The following JAKMIP1 variants were observed in gnomAD, a reference collection of about 807,000 sequenced individuals.
The protein encoded by JAKMIP1 is janus kinase and microtubule-interacting protein 1.
A neutral mutation model predicts 113.0 loss-of-function variants in JAKMIP1; 33 were observed. The observed-to-expected ratio is 0.29, with a 90% CI of 0.22 to 0.39. The LOEUF (loss-of-function observed/expected upper bound fraction) is 0.39. Ranked by LOEUF, JAKMIP1 falls within the 10% of genes least tolerant of loss-of-function variation. The pLI, the probability that JAKMIP1 is intolerant of heterozygous loss-of-function variation, is 1.00. For synonymous variants in JAKMIP1, 480 were observed against 459.9 expected, an observed-to-expected ratio of 1.04 and a Z score of -0.56; for missense variants, 813 against 1,080.5, an observed-to-expected ratio of 0.75 and a Z score of 3.47.
At position 6,069,850 on chromosome 4, in the gene JAKMIP1, A is replaced by G. The variant is rs1004944416; in HGVS notation, c.1303-4842T>C. ...TGCATATACAGAGGTGCTCTTCCTC[A>G]GCGGGTCAGATGAAGCAGAGGGAAA... On this transcript the variant is annotated intron_variant, in intron 8 of 20. Coordinates refer to ENST00000409021, the MANE Select transcript of JAKMIP1 (RefSeq NM_001099433.2). This position sits in a 1 kb window ranked among gnomAD's most constrained non-coding sequence, Gnocchi z 4.5. Among the ~76,000 whole-genome samples, 5 of 152,130 alleles carry G rather than the reference A, an allele frequency of 3.3e-5. No homozygotes were observed. The highest frequency in any genetic ancestry group is 5.9e-5 in the Non-Finnish European group (4 of 68,036).
chr4:6,182,042 T>C lies in JAKMIP1; in HGVS notation c.-148+18211A>G, dbSNP rs763467754. Among the ~76,000 whole-genome samples the C allele has an allele frequency of 1.3e-3, 197 of 152,086 alleles. 1 individual carries two copies. The highest frequency in any genetic ancestry group is 2.3e-3 in the Non-Finnish European group (156 of 67,966). ...GAGTGAATGTTTATGTCCCCCCAAA[T>C]TGATACATTGAAACCCTATGGTGGG... On this transcript the variant is annotated intron_variant, in intron 1 of 20. Coordinates refer to ENST00000409021, the MANE Select transcript of JAKMIP1 (RefSeq NM_001099433.2).
intron 1 of JAKMIP1, among the ~76,000 whole-genome samples, chr4:6,144,021 G>C (rs1720512166): frequency 6.6e-6 from 1 of 152,196 alleles, no homozygotes; most frequent in Non-Finnish European, 1.5e-5. Flanking sequence ...CTTAGAGCCT[G>C]GCATGGGGAG....
chr4:6,159,054 A>C (rs962673789), intron 1 of JAKMIP1, among the ~76,000 whole-genome samples: 3 of 151,364 alleles, frequency 2.0e-5, no homozygotes, highest in Non-Finnish European at 4.4e-5. Flanking sequence ...GTGCCACTGC[A>C]CTCAAGCTTG....
chr4:6,055,852 AGGTCGGGGC>A (rs1716334502), intron 12 of JAKMIP1, among the ~76,000 whole-genome samples: 1 of 149,722 alleles, frequency 6.7e-6, no homozygotes, highest in Non-Finnish European at 1.5e-5. Context: ...GTATCCCCAG[AGGTCGGGGC>A]AGCCCTCCTT....
chr4:6,033,804 G>C (rs1713045464), intron 19 of JAKMIP1, among the ~76,000 whole-genome samples: 1 of 152,196 alleles, frequency 6.6e-6, no homozygotes, highest in African/African-American at 2.4e-5. Context: ...AAAAAAAAAT[G>C]TAGGTTTTGC....
chr4:6,159,134 A>C (rs536804768), intron 1 of JAKMIP1, among the ~76,000 whole-genome samples: 12 of 152,220 alleles, frequency 7.9e-5, no homozygotes, highest in African/African-American at 2.9e-4. Flanking sequence ...TGGTGAAAAA[A>C]TAACAGCTGA....
intron 8 of JAKMIP1, among the ~76,000 whole-genome samples, chr4:6,071,316 C>G (rs919239810): frequency 4.0e-5 from 6 of 150,792 alleles, no homozygotes; most frequent in East Asian, 1.9e-4. Context: ...ACCTGAGACA[C>G]CTGGGCCTGG....
chr4:6,056,568 G>C lies in JAKMIP1; in HGVS notation c.1707+129C>G, dbSNP rs915841217. 10 of 714,306 alleles carry C rather than the reference G, an allele frequency of 1.4e-5. No homozygotes were observed. In the East Asian group the frequency reaches 2.2e-4, roughly 16 times the overall value. 44.2% of individuals were successfully genotyped at this position (714,306 alleles called of 1,614,324 possible). On this transcript the variant is annotated intron_variant, in intron 12 of 20. Transcript: ENST00000409021. ...GAAGACATCTCTCCTCATGGGAGGT[G>C]TGCAGGACCCGAGGCCCTGGTCACT...
Position 6,081,014 on chromosome 4 carries a change from C to CACACACACACACACACACACACACACA in JAKMIP1, c.1101+594_1101+595insTGTGTGTGTGTGTGTGTGTGTGTGTGT, listed in dbSNP as rs1553821445. Among the ~76,000 whole-genome samples, 1 of 151,230 alleles carries CACACACACACACACACACACACACACA rather than the reference C, an allele frequency of 6.6e-6. No homozygotes were observed. The stretch of plus-strand genomic sequence containing the variant: ...ACACACACACACACACACACACACA[C>CACACACACACACACACACACACACACA]CTGCATCTGCTACAGTGCAGACAGC... On this transcript the variant is annotated intron_variant, in intron 6 of 20. Transcript: ENST00000409021. This position sits in a 1 kb window ranked among gnomAD's most constrained non-coding sequence, Gnocchi z 4.6.
rs149383310 is a variant in JAKMIP1, at chr4:6,143,843, G to A, written c.-147-30846C>T. Among the ~76,000 whole-genome samples, 11 of 152,348 alleles carry A rather than the reference G, an allele frequency of 7.2e-5. No individual in the cohort carries two copies. The highest frequency in any genetic ancestry group is 2.4e-4 in the African/African-American group (10 of 41,580). On this transcript the variant is annotated intron_variant, in intron 1 of 20. Transcript: ENST00000409021. This position sits in a 1 kb window ranked among gnomAD's most constrained non-coding sequence, Gnocchi z 4.9. ...TTCTGGTCATCAGGGAATAACAGAAGGCTTGTAGGACCCAGGCCAGGCAAG... is the reference window on the plus strand; with the variant it reads ...TTCTGGTCATCAGGGAATAACAGAAAGCTTGTAGGACCCAGGCCAGGCAAG...
chr4:6,190,176 A>G (rs1727093421), intron 1 of JAKMIP1, among the ~76,000 whole-genome samples: 2 of 148,230 alleles, frequency 1.3e-5, no homozygotes, highest in Non-Finnish European at 3.0e-5. Context: ...GGGGGAAATG[A>G]TGGGAGCTGA....
At chr4:6,079,686 C>T (rs73196080) in intron 7 of JAKMIP1, among the ~76,000 whole-genome samples, 40 of 152,262 alleles carry the variant, frequency 2.6e-4, no homozygotes, top group South Asian at 6.2e-4. Flanking sequence ...GATAGATGCA[C>T]GCCCCATATA....
In JAKMIP1 at chr4:6,059,409, T is replaced by C. The variant is rs553665490; in HGVS notation, c.1644+1015A>G. Among the ~76,000 whole-genome samples, 1 of 152,186 alleles carries C rather than the reference T, an allele frequency of 6.6e-6. No individual in the cohort carries two copies. Among genetic ancestry groups the C allele is most frequent in the East Asian group, 1.9e-4 (1 of 5,144 alleles). On this transcript the variant is annotated intron_variant, in intron 11 of 20. Transcript: ENST00000409021. This position sits in a 1 kb window ranked among gnomAD's most constrained non-coding sequence, Gnocchi z 4.8. The stretch of plus-strand genomic sequence containing the variant: ...TTCTGTTAAGCCGCCTGGAACCTCT[T>C]ACACCCCTTGCTTCACACCCGCCTC...
Position 6,048,929 on chromosome 4 carries a change from C to T in JAKMIP1, c.1963-7G>A. The T allele has an allele frequency of 6.2e-7, 1 of 1,613,252 alleles. No individual in the cohort carries two copies. The highest frequency in any genetic ancestry group is 8.5e-7 in the Non-Finnish European group (1 of 1,179,292). On this transcript the variant is annotated splice_polypyrimidine_tract_variant and splice_region_variant and intron_variant, in intron 15 of 20. Transcript: ENST00000409021. ...GTTCTTCATTTCTCAAATTCTAAAA[C>T]ACAAAAATGGGCAAGGGCATTTGAC...
rs1726724105 is a variant in JAKMIP1, at chr4:6,187,050, A to G, written c.-148+13203T>C. Among the ~76,000 whole-genome samples the G allele has an allele frequency of 6.6e-6, 1 of 152,022 alleles. No homozygotes were observed. Among genetic ancestry groups the G allele is most frequent in the South Asian group, 2.1e-4 (1 of 4,810 alleles). The stretch of plus-strand genomic sequence containing the variant: ...TCATCATGTTATCCAGGCTGGTCTC[A>G]AACTCCTGGGCTCAAGCAATCTGCC... On this transcript the variant is annotated intron_variant, in intron 1 of 20. Coordinates refer to ENST00000409021, the MANE Select transcript of JAKMIP1 (RefSeq NM_001099433.2). The surrounding 1 kb of genome is among the most constrained non-coding windows in gnomAD (Gnocchi z 4.2).
intron 1 of JAKMIP1, among the ~76,000 whole-genome samples, chr4:6,134,698 T>C (rs1171344016): frequency 1.3e-5 from 2 of 152,218 alleles, no homozygotes; most frequent in Non-Finnish European, 2.9e-5. Context: ...GCTCGGTGTC[T>C]GCCAGAATCA....
At position 6,080,161 on chromosome 4, in the gene JAKMIP1, G is replaced by A. The variant is rs754788110; in HGVS notation, c.1242+11C>T. 3 of 1,596,268 alleles carry A rather than the reference G, an allele frequency of 1.9e-6. No homozygotes were observed. The Admixed American group carries it at 5.3e-5, about 28-fold the overall frequency. Reference sequence around the variant, plus strand: ...TGCCAGGGGCAGCCGCGCCAGCTGTGCTAGATGTACCAGTGAGAGGTCGTC... The same window carrying A: ...TGCCAGGGGCAGCCGCGCCAGCTGTACTAGATGTACCAGTGAGAGGTCGTC... On this transcript the variant is annotated intron_variant, in intron 7 of 20. Coordinates refer to ENST00000409021, the MANE Select transcript of JAKMIP1 (RefSeq NM_001099433.2). This position sits in a 1 kb window ranked among gnomAD's most constrained non-coding sequence, Gnocchi z 6.0.
rs555048725 is a variant in JAKMIP1 at position 6,154,144 on chromosome 4, T to C, written c.-147-41147A>G. 1.6e-4 allele frequency among the ~76,000 whole-genome samples: 24 copies of C among 152,246 alleles called. No homozygotes were observed. Among genetic ancestry groups the C allele is most frequent in the African/African-American group, 4.8e-4 (20 of 41,530 alleles). Reference sequence around the variant, plus strand: ...TGTGTCCTGCAGAGCTGATAAACCCTGCACTCAGGGAGACACTGACCCTCG... The same window carrying C: ...TGTGTCCTGCAGAGCTGATAAACCCCGCACTCAGGGAGACACTGACCCTCG... On this transcript the variant is annotated intron_variant, in intron 1 of 20. Transcript: ENST00000409021. The surrounding 1 kb of genome is among the most constrained non-coding windows in gnomAD (Gnocchi z 4.2).
chr4:6,105,466 C>A lies in JAKMIP1; in HGVS notation c.624+7G>T. 6.3e-7 allele frequency: 1 copy of A among 1,586,070 alleles called. No individual in the cohort carries two copies. On this transcript the variant is annotated splice_region_variant and intron_variant, in intron 3 of 20. Coordinates refer to ENST00000409021, the MANE Select transcript of JAKMIP1 (RefSeq NM_001099433.2). ...TGCCCGCGGGCGGGGGAGGGGGCGG[C>A]ACGTACCAGCCTGCGGATGTCGCGC...
Sources: gnomAD v4.1 joint callset for allele counts (sites outside exome capture counted in the v4.1 genomes callset) on GRCh38, gnomAD v4.1.1 for gene constraint, Gnocchi (gnomAD v3.1) non-coding constraint, MANE v1.5 for transcripts, NCBI Gene and HGNC (gene_info 2026-07-23, HGNC 2026-07-21) for gene names.